Variants in NCOA1 observed in about 807,000 individuals in gnomAD.
NCOA1 encodes the protein nuclear receptor coactivator 1, also known as Hin-2 protein.
NCOA1 carries 35 observed loss-of-function variants against 150.9 expected under a neutral mutation model. The observed-to-expected ratio is 0.23, with a 90% CI of 0.18 to 0.31. The LOEUF (loss-of-function observed/expected upper bound fraction) is 0.31, where lower values mean the gene tolerates loss of function less well. Ranked by LOEUF, NCOA1 falls within the 10% of genes least tolerant of loss-of-function variation. The pLI is 1.00. For synonymous variants in NCOA1, 590 were observed against 630.0 expected (o/e 0.94, Z 0.95); for missense variants, 1,491 against 1,749.3 (o/e 0.85, Z 2.63).
intron 13 of NCOA1, 87 bp from the exon 14 acceptor site, chr2:24,710,844 A>T: frequency 8.0e-7 from 1 of 1,253,306 alleles, no homozygotes; most frequent in Non-Finnish European, 1.1e-6. Flanking sequence ...CTGAATTCAT[A>T]GAGTTTAAAG....
intron 3 of NCOA1, among the ~76,000 whole-genome samples, chr2:24,618,532 C>T (rs575291092): frequency 1.3e-5 from 2 of 152,222 alleles, no homozygotes; most frequent in South Asian, 2.1e-4. Flanking sequence ...TTCACCTAAC[C>T]TTAACCAAGT....
rs1354293565 is a variant in NCOA1, at chr2:24,691,674, G to T, written c.712+14G>T. On this transcript the variant is annotated intron_variant, in intron 9 of 22. Coordinates refer to ENST00000348332, the MANE Select transcript of NCOA1 (RefSeq NM_003743.5). ...AGGATGGAGAAGGTAAAGCCAAACG[G>T]TCTTTTTAAAGTGTTTATTTCTTCT... is the stretch of plus-strand genomic sequence containing the variant. The T allele has an allele frequency of 6.2e-7, 1 of 1,609,862 alleles. No homozygotes were observed. The highest frequency in any genetic ancestry group is 8.5e-7 in the Non-Finnish European group (1 of 1,177,496).
intron 3 of NCOA1, among the ~76,000 whole-genome samples, chr2:24,613,654 AT>A (rs1190209164): frequency 6.6e-6 from 1 of 152,096 alleles, no homozygotes; most frequent in East Asian, 1.9e-4. Flanking sequence ...CTGTACCACA[AT>A]CTCTACACAG....
In NCOA1 at chr2:24,728,405, T is replaced by A. The variant is rs1386929845; in HGVS notation, c.2815T>A (p.Phe939Ile). 3 of 1,613,744 alleles carry A rather than the reference T, an allele frequency of 1.9e-6. No individual in the cohort carries two copies. The highest frequency in any genetic ancestry group is 1.1e-5 in the South Asian group (1 of 91,074). Residue 939 changes from phenylalanine to isoleucine, a missense_variant, in exon 16 of 23, where the codon TTC becomes ATC. Phe to Ile is a conservative substitution (Grantham distance 21). Coordinates refer to ENST00000348332, the MANE Select transcript of NCOA1 (RefSeq NM_003743.5). ...GGCTCTTCTTGAACAGCTGGTATCC[T>A]TCCTTAGTGGCAAAGATGAAACTGA... ...EKALLEQLVS[F>I]LSGKDETELA...
chr2:24,648,498 C>T lies in NCOA1; in HGVS notation c.-18+4376C>T, dbSNP rs539383321. 3.3e-5 allele frequency among the ~76,000 whole-genome samples: 5 copies of T among 152,276 alleles called. No homozygotes were observed. The East Asian group carries it at 7.7e-4, about 24-fold the overall frequency. On this transcript the variant is annotated intron_variant, in intron 4 of 22. Coordinates refer to ENST00000348332, the MANE Select transcript of NCOA1 (RefSeq NM_003743.5). ...ATGTTGGCCAGGCTGATCTCGAACT[C>T]CTGACCTCATGATCCACCCGCCTTG... is the stretch of plus-strand genomic sequence containing the variant.
intron 2 of NCOA1, among the ~76,000 whole-genome samples, chr2:24,572,552 G>T (rs1198169960): frequency 6.6e-6 from 1 of 152,122 alleles, no homozygotes; most frequent in Admixed American, 6.6e-5. Context: ...ATGAGAGAAG[G>T]CTCACAATTA....
chr2:24,491,700 C>A (rs1662966620), intron 1 of NCOA1, among the ~76,000 whole-genome samples, 98 bp downstream of exon 1: 1 of 150,912 alleles, frequency 6.6e-6, no homozygotes, highest in African/African-American at 2.4e-5. Flanking sequence ...CAGCTGGCGC[C>A]CCTCCGCCCC....
intron 3 of NCOA1, among the ~76,000 whole-genome samples, chr2:24,604,202 G>T (rs773796959): frequency 7.9e-5 from 12 of 152,182 alleles, no homozygotes; most frequent in Non-Finnish European, 1.8e-4. Context: ...TCTAGGATTT[G>T]TTGTTATAGC....
At chr2:24,711,264 A>G in intron 14 of NCOA1, 153 bp downstream of exon 14, 1 of 684,978 alleles carries the variant, frequency 1.5e-6, no homozygotes, top group Non-Finnish European at 2.3e-6. Flanking sequence ...ATATTTAGGC[A>G]TGTGAACATC....
chr2:24,559,737 T>A (rs576250119), intron 1 of NCOA1, among the ~76,000 whole-genome samples: 7 of 149,506 alleles, frequency 4.7e-5, no homozygotes, highest in African/African-American at 1.7e-4. Context: ...TGGTGCAGGA[T>A]TCGTTGCCTA....
chr2:24,762,054 G>A (rs1244512089), intron 21 of NCOA1, among the ~76,000 whole-genome samples: 19 of 152,216 alleles, frequency 1.2e-4, no homozygotes, highest in Admixed American at 1.2e-3. Context: ...ATTCTGCTCT[G>A]AGGATTCTAG....
chr2:24,649,404 G>A lies in NCOA1; in HGVS notation c.-18+5282G>A, dbSNP rs193075813. ...AGCTGAAGATAGCTATAGTTAGGAC[G>A]ACTGATTTTTCCTCAAGAAATACCA... is the stretch of plus-strand genomic sequence containing the variant. On this transcript the variant is annotated intron_variant, in intron 4 of 22. Transcript: ENST00000348332. 5.9e-5 allele frequency among the ~76,000 whole-genome samples: 9 copies of A among 152,284 alleles called. No individual in the cohort carries two copies. The East Asian group carries it at 1.7e-3, about 29-fold the overall frequency.
chr2:24,713,517 T>G (rs1192030765), intron 14 of NCOA1, among the ~76,000 whole-genome samples: 3 of 152,208 alleles, frequency 2.0e-5, no homozygotes, highest in Non-Finnish European at 4.4e-5. Flanking sequence ...AAGGTAATAT[T>G]GGAACTAGAA....
chr2:24,757,969 A>AC lies in NCOA1; in HGVS notation c.3882-3dup. The AC allele has an allele frequency of 6.2e-7, 1 of 1,612,900 alleles. No individual in the cohort carries two copies. The highest frequency in any genetic ancestry group is 1.3e-5 in the African/African-American group (1 of 74,988). On this transcript the variant is annotated splice_region_variant and splice_polypyrimidine_tract_variant and intron_variant, in intron 20 of 22. Coordinates refer to ENST00000348332, the MANE Select transcript of NCOA1 (RefSeq NM_003743.5). Reference sequence around the variant, plus strand: ...TGTAATCTGGATTGTTTTTGAGTTTACAGTGTGTTCAGTCAAGCTGTCCAG... The same window carrying AC: ...TGTAATCTGGATTGTTTTTGAGTTTACCAGTGTGTTCAGTCAAGCTGTCCAG...
intron 4 of NCOA1, among the ~76,000 whole-genome samples, chr2:24,647,464 A>G (rs566572025): frequency 6.6e-6 from 1 of 152,308 alleles, no homozygotes; most frequent in South Asian, 2.1e-4. Flanking sequence ...TGAGGGAATT[A>G]ATTAACATAG....
chr2:24,701,938 A>AG (rs1302760276), intron 11 of NCOA1, among the ~76,000 whole-genome samples: 1 of 152,228 alleles, frequency 6.6e-6, no homozygotes, highest in East Asian at 1.9e-4. Flanking sequence ...TGAACCCAGG[A>AG]GGCGGAGGTT....
At chr2:24,607,541 T>A (rs1389419331) in intron 3 of NCOA1, among the ~76,000 whole-genome samples, 1 of 151,634 alleles carries the variant, frequency 6.6e-6, no homozygotes, top group South Asian at 2.1e-4. Context: ...TACAAAAAAT[T>A]TAGCCGGGTG....
chr2:24,683,178 C>T (rs745988715), intron 8 of NCOA1, 50 bp downstream of exon 8: 5 of 1,164,310 alleles, frequency 4.3e-6, no homozygotes, highest in Non-Finnish European at 5.9e-6. Context: ...TGTATCTTCT[C>T]CTTATATAAT....
intron 5 of NCOA1, among the ~76,000 whole-genome samples, chr2:24,664,619 A>C (rs1359988164): frequency 3.3e-5 from 5 of 152,124 alleles, no homozygotes; most frequent in Admixed American, 3.3e-4. Context: ...GAGGCAGAAG[A>C]ATCACTTGAA....
Sources: gnomAD v4.1 joint callset for allele counts (sites outside exome capture counted in the v4.1 genomes callset) on GRCh38, gnomAD v4.1.1 for gene constraint, MANE v1.5 for transcripts, NCBI Gene and HGNC (gene_info 2026-07-23, HGNC 2026-07-21) for gene names.